Variants in ADAMTSL1 observed in about 807,000 individuals in gnomAD.
ADAMTSL1 encodes ADAMTS like 1.
A neutral mutation model predicts 201.8 loss-of-function variants in ADAMTSL1; 126 were observed. That is an observed-to-expected ratio of 0.62 (90% CI 0.54 to 0.72). ADAMTSL1 has a LOEUF of 0.72. Among genes scored for constraint, ADAMTSL1 ranks in the 30% least tolerant of loss-of-function variants. ADAMTSL1 has a pLI of 0.00. For synonymous variants in ADAMTSL1, 1,121 were observed against 903.4 expected, an observed-to-expected ratio of 1.24 and a Z score of -4.32; for missense variants, 2,679 against 2,277.8, an observed-to-expected ratio of 1.18 and a Z score of -3.59.
chr9:18,452,123 G>A (rs903550514), intron 2 of ADAMTSL1, among the ~76,000 whole-genome samples: 2 of 152,054 alleles, frequency 1.3e-5, no homozygotes, highest in Non-Finnish European at 2.9e-5. Context: ...ATGTTGGTCA[G>A]GCTGGTCTCA....
intron 1 of ADAMTSL1, among the ~76,000 whole-genome samples, chr9:18,040,725 C>G (rs1217905128): frequency 6.6e-6 from 1 of 151,664 alleles, no homozygotes; most frequent in Non-Finnish European, 1.5e-5. Context: ...AATTACAGCC[C>G]TTATTTGGTT....
chr9:18,040,594 T>C (rs1210723446), intron 1 of ADAMTSL1, among the ~76,000 whole-genome samples: 1 of 152,224 alleles, frequency 6.6e-6, no homozygotes, highest in Non-Finnish European at 1.5e-5. Flanking sequence ...ATGTGAATAT[T>C]ACTGCTATAG....
intron 1 of ADAMTSL1, among the ~76,000 whole-genome samples, chr9:18,126,900 C>T (rs1476177548): frequency 2.0e-5 from 3 of 152,096 alleles, no homozygotes; most frequent in African/African-American, 7.2e-5. Context: ...GAGGGAGTTT[C>T]CTACACAACA....
At chr9:18,885,684 T>TTTAGAACC (rs1188754433) in intron 23 of ADAMTSL1, among the ~76,000 whole-genome samples, 1 of 152,122 alleles carries the variant, frequency 6.6e-6, no homozygotes, top group African/African-American at 2.4e-5. Flanking sequence ...AGGTTATCTT[T>TTTAGAACC]TTAGAACCCT....
intron 2 of ADAMTSL1, among the ~76,000 whole-genome samples, chr9:18,387,529 T>A (rs1014231167): frequency 6.6e-6 from 1 of 152,204 alleles, no homozygotes; most frequent in Admixed American, 6.5e-5. Flanking sequence ...ATAGTATTAA[T>A]GTTACATTTT....
At chr9:18,796,256 C>T (rs1181759308) in intron 20 of ADAMTSL1, among the ~76,000 whole-genome samples, 1 of 152,116 alleles carries the variant, frequency 6.6e-6, no homozygotes, top group Non-Finnish European at 1.5e-5. Flanking sequence ...TTCTCAGAGG[C>T]CAGGCAACCC....
rs1452242584 is a variant in ADAMTSL1 at position 18,910,913 on chromosome 9, G to A, written c.*2365G>A. ...TCCTCTAAAACACAAAACTGTATTT[G>A]TATTTTTTGTACAGATAATACAGCT... On this transcript the variant is annotated 3_prime_UTR_variant, in exon 29 of 29. Coordinates refer to ENST00000380548, the MANE Select transcript of ADAMTSL1 (RefSeq NM_001040272.6). 1.3e-5 allele frequency: 2 copies of A among 152,242 alleles called. No individual in the cohort carries two copies. The highest frequency in any genetic ancestry group is 4.8e-5 in the African/African-American group (2 of 41,464). 9.4% of individuals were successfully genotyped at this position (152,242 alleles called of 1,614,324 possible). A position where few individuals can be genotyped will look rare whatever the true frequency, so the allele number is the denominator to read the frequency against.
intron 13 of ADAMTSL1, among the ~76,000 whole-genome samples, chr9:18,699,824 A>G (rs542280168): frequency 3.3e-5 from 5 of 152,334 alleles, no homozygotes; most frequent in East Asian, 3.9e-4. Context: ...AGTGCTGAAG[A>G]TGCCTCATAG....
chr9:18,051,072 C>T lies in ADAMTSL1; in HGVS notation c.88-112790C>T, dbSNP rs569092524. ...ATCCCAGCACTTTGGGAGGCCAAGG[C>T]GGGCAGATCATGAGGTCAGGAGATG... On this transcript the variant is annotated intron_variant, in intron 1 of 29. Coordinates refer to the ADAMTSL1 transcript ENST00000680146. 1.6e-3 allele frequency among the ~76,000 whole-genome samples: 237 copies of T among 152,264 alleles called. 1 individual carries two copies. The highest frequency in any genetic ancestry group is 0.01 in the Middle Eastern group (3 of 292).
At chr9:18,144,813 A>G (rs1448934585) in intron 1 of ADAMTSL1, among the ~76,000 whole-genome samples, 1 of 152,162 alleles carries the variant, frequency 6.6e-6, no homozygotes, top group African/African-American at 2.4e-5. Context: ...CATTCAGGTG[A>G]GTACTCCTGC....
chr9:18,889,494 C>G, intron 24 of ADAMTSL1, 74 bp from the exon 25 acceptor site: 1 of 1,522,896 alleles, frequency 6.6e-7, no homozygotes, highest in Non-Finnish European at 9.0e-7. Context: ...TTCTCCCTGC[C>G]CTGCTCAGAA....
At chr9:18,393,105 A>G (rs1269624291) in intron 2 of ADAMTSL1, among the ~76,000 whole-genome samples, 1 of 152,228 alleles carries the variant, frequency 6.6e-6, no homozygotes, top group Non-Finnish European at 1.5e-5. Context: ...TACTCAGGTT[A>G]TTAGTGGATG....
chr9:18,887,786 T>C, intron 23 of ADAMTSL1, 45 bp from the exon 24 acceptor site: 1 of 1,538,420 alleles, frequency 6.5e-7, no homozygotes, highest in Non-Finnish European at 8.9e-7. Flanking sequence ...AGCAATGTGT[T>C]CCTTATGGCT....
chr9:18,707,048 G>A lies in ADAMTSL1; in HGVS notation c.1876G>A (p.Gly626Ser). The A allele has an allele frequency of 6.2e-7, 1 of 1,610,552 alleles. No individual in the cohort carries two copies. Among genetic ancestry groups the A allele is most frequent in the Non-Finnish European group, 8.5e-7 (1 of 1,177,506 alleles). ...CAAGTGCTCCGAGTCCTGTGGAGGAGGTAAGAAAGGGGGCTCTGGCTCAGA... is the reference window on the plus strand; with the variant it reads ...CAAGTGCTCCGAGTCCTGTGGAGGAAGTAAGAAAGGGGGCTCTGGCTCAGA... Reference protein sequence around the residue: ...FTKCSESCGGGVQEAVVSCLN... With the variant: ...FTKCSESCGGSVQEAVVSCLN... Residue 626 changes from glycine to serine, a missense_variant and splice_region_variant, in exon 14 of 29, where the codon GGT (glycine) becomes AGT (serine). Coordinates refer to ENST00000380548, the MANE Select transcript of ADAMTSL1 (RefSeq NM_001040272.6).
At position 18,905,879 on chromosome 9, in the gene ADAMTSL1, G is replaced by T; in HGVS notation, c.4949G>T (p.Ser1650Ile). The stretch of plus-strand genomic sequence containing the variant: ...ATCACCTTACCATCAGAGCAGTGCA[G>T]TGCTCTTCCGAGGTAAGAGAAAGCC... ...DGITLPSEQC[S>I]ALPRPVSTQN... Residue 1650 changes from serine to isoleucine, a missense_variant, in exon 27 of 29, where the codon AGT (serine) becomes ATT (isoleucine). Coordinates refer to ENST00000380548, the MANE Select transcript of ADAMTSL1 (RefSeq NM_001040272.6). 1 of 1,610,092 alleles carries T rather than the reference G, an allele frequency of 6.2e-7. No homozygotes were observed. The highest frequency in any genetic ancestry group is 1.1e-5 in the South Asian group (1 of 90,240).
intron 5 of ADAMTSL1, among the ~76,000 whole-genome samples, chr9:18,634,587 C>T (rs1826979603): frequency 6.6e-6 from 1 of 151,922 alleles, no homozygotes; most frequent in African/African-American, 2.4e-5. Flanking sequence ...CGCCTGTAAT[C>T]CCAGCACTTT....
intron 1 of ADAMTSL1, among the ~76,000 whole-genome samples, chr9:17,955,253 G>T (rs567335259): frequency 6.6e-6 from 1 of 152,212 alleles, no homozygotes; most frequent in South Asian, 2.1e-4. Flanking sequence ...TAGCCTTTCA[G>T]GATGCTGCAT....
chr9:17,944,616 G>C (rs1293921930), intron 1 of ADAMTSL1, among the ~76,000 whole-genome samples: 1 of 141,924 alleles, frequency 7.0e-6, no homozygotes, highest in Non-Finnish European at 1.6e-5. Flanking sequence ...CCAAAACAGA[G>C]ATATAGATCA....
rs139314806 is a variant in ADAMTSL1 at position 18,650,814 on chromosome 9, A to G, written c.835-6825A>G. 1.7e-3 allele frequency among the ~76,000 whole-genome samples: 257 copies of G among 152,280 alleles called. 1 individual carries two copies. Among genetic ancestry groups the G allele is most frequent in the Non-Finnish European group, 3.0e-3 (205 of 68,022 alleles). On this transcript the variant is annotated intron_variant, in intron 7 of 28. Transcript: ENST00000380548. The stretch of plus-strand genomic sequence containing the variant: ...GTCAATGCCAGTTTAGTGTGGTAGA[A>G]TAGATAATCTGCTGCTTACTGGGTG...
Sources: allele counts gnomAD v4.1 joint callset (sites outside exome capture counted in the v4.1 genomes callset), GRCh38; gene constraint gnomAD v4.1.1; transcripts MANE v1.5; gene names NCBI Gene and HGNC (gene_info 2026-07-23, HGNC 2026-07-21).